MED12L: variants seen among roughly 807,000 people sequenced by gnomAD.
The protein encoded by MED12L is mediator of RNA polymerase II transcription subunit 12-like protein.
Under a neutral mutation model 281.3 loss-of-function variants are expected in MED12L, and 60 were observed. The ratio of observed to expected loss-of-function variants is 0.21; its 90% CI spans 0.17 to 0.26. The LOEUF (loss-of-function observed/expected upper bound fraction) is 0.26. Ranked by LOEUF, MED12L falls within the 10% of genes least tolerant of loss-of-function variation. The probability of loss-of-function intolerance (pLI) is 1.00; values close to 1 mark genes in which losing one functional copy is unlikely to be tolerated. For missense variants in MED12L, 2,146 were observed against 2,680.9 expected, an observed-to-expected ratio of 0.80 and a Z score of 4.41; for synonymous variants, 974 against 987.2, an observed-to-expected ratio of 0.99 and a Z score of 0.25.
At chr3:151,391,154 T>A (rs902249724) in intron 38 of MED12L, among the ~76,000 whole-genome samples, 6 of 152,230 alleles carry the variant, frequency 3.9e-5, no homozygotes, top group Non-Finnish European at 1.5e-5. Flanking sequence ...AAATACCTAC[T>A]TTTTAAAAGA....
chr3:151,398,942 T>G (rs969106668), intron 39 of MED12L, among the ~76,000 whole-genome samples: 1 of 152,218 alleles, frequency 6.6e-6, no homozygotes, highest in Non-Finnish European at 1.5e-5. Context: ...AAATGTCGTC[T>G]TTTTCAAAAT....
Position 151,241,335 on chromosome 3 carries a change from A to G in MED12L, c.2250+47669A>G, listed in dbSNP as rs146146922. 2.0e-5 allele frequency among the ~76,000 whole-genome samples: 3 copies of G among 152,354 alleles called. No individual in the cohort carries two copies. In the East Asian group the frequency reaches 5.8e-4, roughly 29 times the overall value. On this transcript the variant is annotated intron_variant, in intron 16 of 44. Transcript: ENST00000687756. The stretch of plus-strand genomic sequence containing the variant: ...TGTATTTGTATCAATATCAAAGAGT[A>G]TGGCAAAAGGCAAGTAAGCCTAGAT...
At chr3:151,106,262 TC>T (rs1722013795) in intron 2 of MED12L, among the ~76,000 whole-genome samples, 1 of 130,980 alleles carries the variant, frequency 7.6e-6, no homozygotes, top group African/African-American at 3.2e-5. Flanking sequence ...CTTTTCCTTT[TC>T]CCTTTCCCTT....
intron 3 of MED12L, among the ~76,000 whole-genome samples, chr3:151,116,771 G>T (rs1158490223): frequency 6.6e-6 from 1 of 152,094 alleles, no homozygotes; most frequent in East Asian, 1.9e-4. Flanking sequence ...AGATTTTTCT[G>T]ATTGTTTTCT....
chr3:151,106,301 T>TTTCCCC (rs1722033659), intron 2 of MED12L, among the ~76,000 whole-genome samples: 2 of 97,754 alleles, frequency 2.0e-5, no homozygotes, highest in Admixed American at 1.0e-4. Context: ...TTCCTTTTCC[T>TTTCCCC]TTTCCTTCTC....
intron 16 of MED12L, among the ~76,000 whole-genome samples, chr3:151,263,531 T>C (rs1739282954): frequency 6.6e-6 from 1 of 152,222 alleles, no homozygotes; most frequent in South Asian, 2.1e-4. Flanking sequence ...ATATCAACTT[T>C]CCAAAATATC....
chr3:151,209,612 G>A (rs781119010), intron 16 of MED12L, among the ~76,000 whole-genome samples: 4 of 152,130 alleles, frequency 2.6e-5, no homozygotes, highest in Admixed American at 1.3e-4. Flanking sequence ...AAGAAATCCC[G>A]TGTCATTTTG....
chr3:151,175,033 T>G (rs947343248), intron 11 of MED12L, among the ~76,000 whole-genome samples: 1 of 152,218 alleles, frequency 6.6e-6, no homozygotes, highest in Non-Finnish European at 1.5e-5. Context: ...ATGAATACCA[T>G]TTATGCTTAT....
rs182140941 is a variant in MED12L, at chr3:151,175,959, T to G, written c.1495-9371T>G. 2.6e-5 allele frequency among the ~76,000 whole-genome samples: 4 copies of G among 152,336 alleles called. No homozygotes were observed. The East Asian group carries it at 7.7e-4, about 29-fold the overall frequency. On this transcript the variant is annotated intron_variant, in intron 11 of 44. Coordinates refer to ENST00000687756, the MANE Select transcript of MED12L (RefSeq NM_001393769.1). ...CTGTTATTTGAAGGACCTTATTGAT[T>G]TTTGAATTTTGTGTCCATTCATTTT...
intron 16 of MED12L, among the ~76,000 whole-genome samples, chr3:151,335,787 T>G (rs531944161): frequency 6.6e-6 from 1 of 152,190 alleles, no homozygotes; most frequent in Admixed American, 6.6e-5. Flanking sequence ...AATAAAGATA[T>G]CCCAGCAAAG....
At chr3:151,298,987 AC>A (rs1274789099) in intron 16 of MED12L, among the ~76,000 whole-genome samples, 8 of 152,232 alleles carry the variant, frequency 5.3e-5, no homozygotes, top group Non-Finnish European at 1.0e-4. Context: ...AAAATGGAAT[AC>A]ATAGCTGTCT....
chr3:151,418,822 T>C (rs1717923971), intron 43 of MED12L, among the ~76,000 whole-genome samples: 1 of 152,244 alleles, frequency 6.6e-6, no homozygotes, highest in African/African-American at 2.4e-5. Context: ...AATTCATTCT[T>C]ACTATGGATG....
chr3:151,311,996 C>T (rs1000223751), intron 16 of MED12L, among the ~76,000 whole-genome samples: 1 of 152,182 alleles, frequency 6.6e-6, no homozygotes, highest in Admixed American at 6.5e-5. Context: ...GAGCCAAGAT[C>T]ACGCTGTTGC....
At chr3:151,296,347 T>C (rs1745087163) in intron 16 of MED12L, among the ~76,000 whole-genome samples, 1 of 152,140 alleles carries the variant, frequency 6.6e-6, no homozygotes, top group Non-Finnish European at 1.5e-5. Context: ...TCTCCTACTG[T>C]GGGGAGCATG....
rs59070744 is a variant in MED12L, at chr3:151,206,031, A to G, written c.2250+12365A>G. 8.6e-3 allele frequency among the ~76,000 whole-genome samples: 1,298 copies of G among 150,334 alleles called. 25 individuals are homozygous for G. The highest frequency in any genetic ancestry group is 0.03 in the African/African-American group (1,230 of 40,876). ...GCAACTCCAGTTCAGCCCTCTCTCT[A>G]TAGCCGTTGTGCTTCAGGGTTATGT... On this transcript the variant is annotated intron_variant, in intron 16 of 44. Transcript: ENST00000687756.
chr3:151,088,888 G>A (rs1011087375), intron 2 of MED12L, among the ~76,000 whole-genome samples: 1 of 152,094 alleles, frequency 6.6e-6, no homozygotes, highest in Non-Finnish European at 1.5e-5. Context: ...ATCTTCTGAT[G>A]TTATCCCCTT....
intron 27 of MED12L, among the ~76,000 whole-genome samples, chr3:151,375,018 C>T (rs1226910796): frequency 6.6e-6 from 1 of 152,128 alleles, no homozygotes; most frequent in African/African-American, 2.4e-5. Context: ...TGTATTTTTA[C>T]AGGCATGTTA....
In MED12L at chr3:151,351,025, G is replaced by A. The variant is rs184318687; in HGVS notation, c.2398+819G>A. 1.0e-3 allele frequency among the ~76,000 whole-genome samples: 155 copies of A among 152,248 alleles called. 1 individual carries two copies. Among genetic ancestry groups the A allele is most frequent in the Admixed American group, 1.1e-3 (17 of 15,290 alleles). On this transcript the variant is annotated intron_variant, in intron 17 of 44. Transcript: ENST00000687756. The stretch of plus-strand genomic sequence containing the variant: ...AATACTTAAATCATAGAAGGAAAAA[G>A]AAAGTTTGTGTTTACTCTATGTAAA...
In MED12L at chr3:151,367,880, G is replaced by A. The variant is rs550075025; in HGVS notation, c.3448+114G>A. 525 of 1,216,524 alleles carry A rather than the reference G, an allele frequency of 4.3e-4. 5 individuals are homozygous for A. The highest frequency in any genetic ancestry group is 2.0e-4 in the Middle Eastern group (1 of 5,042). The allele number at this position is 1,216,524 out of a possible 1,614,324, so 75.4% of individuals were successfully genotyped here. ...TTGAGGGTATGTATATTGGGAAGTG[G>A]TGTAGTATCAAGGTAGATATGGTAG... is the stretch of plus-strand genomic sequence containing the variant. On this transcript the variant is annotated intron_variant, in intron 24 of 44. Transcript: ENST00000687756.
Sources: gnomAD v4.1 joint callset for allele counts (sites outside exome capture counted in the v4.1 genomes callset) on GRCh38, gnomAD v4.1.1 for gene constraint, MANE v1.5 for transcripts, NCBI Gene and HGNC (gene_info 2026-07-23, HGNC 2026-07-21) for gene names.